The following LZIC variants were observed in gnomAD, a reference collection of about 807,000 sequenced individuals.
The protein encoded by LZIC is leucine zipper and CTNNBIP1 domain containing, also known as protein LZIC.
A neutral mutation model predicts 25.4 loss-of-function variants in LZIC; 28 were observed. That is an observed-to-expected ratio of 1.10 (90% CI 0.82 to 1.51). The LOEUF (loss-of-function observed/expected upper bound fraction) is 1.51. LZIC is among the 40% of genes most tolerant of loss of function. The pLI, the probability that LZIC is intolerant of heterozygous loss-of-function variation, is 0.00. For synonymous variants in LZIC, 65 were observed against 70.7 expected (o/e 0.92, Z 0.40); for missense variants, 170 against 211.1 (o/e 0.81, Z 1.21).
chr1:9,940,564 C>T (rs1640668056), intron 2 of LZIC, among the ~76,000 whole-genome samples: 2 of 152,020 alleles, frequency 1.3e-5, no homozygotes, highest in South Asian at 2.1e-4. Context: ...GTGATCCGCC[C>T]GCCTCGGCCT....
rs1216881159 is a variant in LZIC at position 9,927,197 on chromosome 1, C to CTCTGGTG, written c.*3201_*3202insCACCAGA. Among the ~76,000 whole-genome samples the CTCTGGTG allele has an allele frequency of 2.0e-5, 3 of 152,188 alleles. 1 individual carries two copies. Among genetic ancestry groups the CTCTGGTG allele is most frequent in the Non-Finnish European group, 4.4e-5 (3 of 68,042 alleles). On this transcript the variant is annotated 3_prime_UTR_variant, in exon 8 of 8. Coordinates refer to ENST00000377223, the MANE Select transcript of LZIC (RefSeq NM_032368.5). ...AAGTAAGATCATTTTAAATTGAGTA[C>CTCTGGTG]TCTTACTTACAAAATGAACACATTA...
chr1:9,923,214 C>T (rs79032858), downstream of LZIC, among the ~76,000 whole-genome samples: 2,529 of 152,218 alleles, frequency 0.017, 65 homozygotes, highest in African/African-American at 0.056. Flanking sequence ...AATACAATGC[C>T]TCCATTTTAT....
chr1:9,922,297 G>T (rs17034429), downstream of LZIC: 208 of 985,312 alleles, frequency 2.1e-4, no homozygotes, highest in African/African-American at 3.3e-3. Flanking sequence ...TCTTGCTGGG[G>T]ACATCAATAT....
intron 2 of LZIC, among the ~76,000 whole-genome samples, chr1:9,939,018 C>T (rs922244875): frequency 6.6e-5 from 10 of 152,092 alleles, no homozygotes; most frequent in Admixed American, 1.3e-4. Flanking sequence ...AAATAAAAGA[C>T]TGACTAGTAA....
rs1640864995 is a variant in LZIC, at chr1:9,943,323, A to G, written c.-242T>C. ...CCGCCTGACCGCCCGCCAGTCCCAG[A>G]GTTTAGGGCCAGGGGCCCCGCCTAC... On this transcript the variant is annotated 5_prime_UTR_variant, in exon 1 of 8. Coordinates refer to ENST00000377223, the MANE Select transcript of LZIC (RefSeq NM_032368.5). 1 of 153,530 alleles carries G rather than the reference A, an allele frequency of 6.5e-6. No homozygotes were observed. Among genetic ancestry groups the G allele is most frequent in the Non-Finnish European group, 1.5e-5 (1 of 68,732 alleles). The allele number at this position is 153,530 out of a possible 1,614,324, so 9.5% of individuals were successfully genotyped here.
Position 9,942,640 on chromosome 1 carries a change from T to A in LZIC, c.-25A>T. 2.3e-6 allele frequency: 3 copies of A among 1,287,774 alleles called. No homozygotes were observed. The highest frequency in any genetic ancestry group is 3.0e-6 in the Non-Finnish European group (3 of 987,498). 79.8% of individuals were successfully genotyped at this position (1,287,774 alleles called of 1,614,324 possible). On this transcript the variant is annotated 5_prime_UTR_variant, in exon 2 of 8. Coordinates refer to ENST00000377223, the MANE Select transcript of LZIC (RefSeq NM_032368.5). ...CATGCTCACCTGTCTCTTAGTACTC[T>A]GATCTCTGCACAGTGCCGACCGGTC...
intron 7 of LZIC, among the ~76,000 whole-genome samples, chr1:9,931,232 AATTTT>A (rs2101586943): frequency 6.6e-6 from 1 of 151,522 alleles, no homozygotes; most frequent in Admixed American, 6.6e-5. Flanking sequence ...ACACCTAGCT[AATTTT>A]TTTTCTTTTT....
At chr1:9,923,893 C>T (rs1321609126), downstream of LZIC, among the ~76,000 whole-genome samples, 2 of 152,130 alleles carry the variant, frequency 1.3e-5, no homozygotes. Flanking sequence ...GCCGGGATTA[C>T]AGGCATGAGC....
At position 9,928,227 on chromosome 1, in the gene LZIC, C is replaced by T. The variant is rs1053085850; in HGVS notation, c.*2172G>A. ...ACTCGGGAGGCTGAGGCAGGAGAAT[C>T]GCTTGAACCTGGGAGGCAGAAGTTG... On this transcript the variant is annotated 3_prime_UTR_variant, in exon 8 of 8. Coordinates refer to ENST00000377223, the MANE Select transcript of LZIC (RefSeq NM_032368.5). Among the ~76,000 whole-genome samples the T allele has an allele frequency of 1.3e-5, 2 of 152,024 alleles. No individual in the cohort carries two copies. Among genetic ancestry groups the T allele is most frequent in the African/African-American group, 4.8e-5 (2 of 41,410 alleles).
chr1:9,938,966 CAGG>C (rs1170416900), intron 2 of LZIC, among the ~76,000 whole-genome samples: 1 of 152,068 alleles, frequency 6.6e-6, no homozygotes, highest in African/African-American at 2.4e-5. Context: ...TTTATTGATC[CAGG>C]AGAATTTGGT....
chr1:9,923,711 T>C (rs978882668), downstream of LZIC, among the ~76,000 whole-genome samples: 1 of 151,952 alleles, frequency 6.6e-6, no homozygotes, highest in Non-Finnish European at 1.5e-5. Context: ...GAAAAAAATA[T>C]TTTAAATATT....
At chr1:9,939,114 G>A (rs925988932) in intron 2 of LZIC, among the ~76,000 whole-genome samples, 2 of 151,950 alleles carry the variant, frequency 1.3e-5, no homozygotes, top group African/African-American at 4.8e-5. Context: ...GTCTTGCTCT[G>A]TCGCCCCGAC....
chr1:9,932,543 C>T (rs1395551328), intron 6 of LZIC, among the ~76,000 whole-genome samples: 3 of 150,564 alleles, frequency 2.0e-5, no homozygotes, highest in East Asian at 2.0e-4. Flanking sequence ...ATTAGCCAGG[C>T]GTAGTGGTGG....
At chr1:9,935,771 AT>A in intron 3 of LZIC, 144 bp from the exon 4 acceptor site, 3 of 691,388 alleles carry the variant, frequency 4.3e-6, no homozygotes, top group Admixed American at 7.1e-5. Context: ...TAGTGAGGGC[AT>A]TTTCCTGCAA....
In LZIC at chr1:9,927,678, CTTTT is replaced by C. The variant is rs551706607; in HGVS notation, c.*2717_*2720del. ...AGGGTAAGGGAAGAATCTTCTTCCT[CTTTT>C]TTTTTTTTTTTTTTTTTTTGAGACC... On this transcript the variant is annotated 3_prime_UTR_variant, in exon 8 of 8. Coordinates refer to ENST00000377223, the MANE Select transcript of LZIC (RefSeq NM_032368.5). 0.012 allele frequency among the ~76,000 whole-genome samples: 1,326 copies of C among 106,596 alleles called. 13 individuals are homozygous for C. Among genetic ancestry groups the C allele is most frequent in the African/African-American group, 0.047 (1,243 of 26,350 alleles). The allele number at this position is 106,596 out of a possible 152,430, so 69.9% of individuals were successfully genotyped here. A position where few individuals can be genotyped will look rare whatever the true frequency, so the allele number is the denominator to read the frequency against.
At chr1:9,922,367 C>T (rs1427058606), downstream of LZIC, 15 of 966,202 alleles carry the variant, frequency 1.6e-5, no homozygotes, top group South Asian at 9.6e-5. Context: ...TCCTGGGGAG[C>T]GAAAGTGAAC....
intron 7 of LZIC, 61 bp downstream of exon 7, chr1:9,931,830 G>C: frequency 9.2e-7 from 1 of 1,087,448 alleles, no homozygotes; most frequent in South Asian, 1.4e-5. Flanking sequence ...CTCTCCATCA[G>C]TTTGTATGTA....
downstream of LZIC, among the ~76,000 whole-genome samples, chr1:9,922,697 A>G (rs1242688753): frequency 1.3e-5 from 2 of 152,168 alleles, no homozygotes; most frequent in African/African-American, 4.8e-5. Flanking sequence ...TTCTTAGGAA[A>G]GAGAGGAAGG....
rs767381991 is a variant in LZIC, at chr1:9,929,994, T to C, written c.*405A>G. On this transcript the variant is annotated 3_prime_UTR_variant, in exon 8 of 8. Coordinates refer to ENST00000377223, the MANE Select transcript of LZIC (RefSeq NM_032368.5). The stretch of plus-strand genomic sequence containing the variant: ...ATTCTATGAACACTTATGAAGTCTA[T>C]TGAGCTTGCGTCACTGTTCACTCCA... 4.0e-6 allele frequency: 4 copies of C among 992,488 alleles called. No homozygotes were observed. The highest frequency in any genetic ancestry group is 4.8e-6 in the Non-Finnish European group (4 of 833,432). 61.5% of individuals were successfully genotyped at this position (992,488 alleles called of 1,614,324 possible).
Sources: allele counts gnomAD v4.1 joint callset (sites outside exome capture counted in the v4.1 genomes callset), GRCh38; gene constraint gnomAD v4.1.1; transcripts MANE v1.5; gene names NCBI Gene and HGNC (gene_info 2026-07-23, HGNC 2026-07-21).